The following MISP variants were observed in gnomAD, a reference collection of about 807,000 sequenced individuals.
MISP encodes mitotic interactor and substrate of PLK1.
MISP carries 51 observed loss-of-function variants against 49.3 expected under a neutral mutation model. That is an observed-to-expected ratio of 1.03 (90% CI 0.83 to 1.31). MISP has a LOEUF of 1.31. MISP is among the 50% of genes most tolerant of loss of function. The pLI, the probability that MISP is intolerant of heterozygous loss-of-function variation, is 0.00. For missense variants in MISP, 1,084 were observed against 935.1 expected (o/e 1.16, Z -2.08); for synonymous variants, 444 against 392.6 (o/e 1.13, Z -1.55).
Position 757,740 on chromosome 19 carries a change from C to T in MISP, c.794C>T (p.Pro265Leu). 1.2e-6 allele frequency: 2 copies of T among 1,613,850 alleles called. No individual in the cohort carries two copies. The highest frequency in any genetic ancestry group is 4.5e-5 in the East Asian group (2 of 44,872). Reference protein sequence around the residue: ...VREENKVRAVPTWASVQVVDD... With the variant: ...VREENKVRAVLTWASVQVVDD... Reference sequence around the variant, plus strand: ...GAAGAGAACAAGGTGCGTGCTGTGCCCACCTGGGCCAGTGTCCAAGTTGTG... The same window carrying T: ...GAAGAGAACAAGGTGCGTGCTGTGCTCACCTGGGCCAGTGTCCAAGTTGTG... Residue 265 changes from proline to leucine, a missense_variant, in exon 2 of 5, where the codon CCC (proline) becomes CTC (leucine). Physicochemically the swap from Pro to Leu is moderately conservative, Grantham distance 98 (BLOSUM62 -3). Coordinates refer to ENST00000215582, the MANE Select transcript of MISP (RefSeq NM_173481.4).
intron 4 of MISP, among the ~76,000 whole-genome samples, chr19:762,442 G>A (rs1213487115): frequency 6.6e-6 from 1 of 151,146 alleles, no homozygotes; most frequent in African/African-American, 2.4e-5. Flanking sequence ...TAGCAGAGAT[G>A]GGGTTTCACC....
In MISP at chr19:757,513, G is replaced by C; in HGVS notation, c.567G>C (p.Glu189Asp). ...TGGAGGAGAACGTGGTTGACAGGGA[G>C]CAGATTGACTTCCTGGCAGCGAGAC... is the stretch of plus-strand genomic sequence containing the variant. ...TPLEENVVDR[E>D]QIDFLAARQQ... Residue 189 changes from glutamate to aspartate, a missense_variant, in exon 2 of 5, where the codon GAG becomes GAC. Transcript: ENST00000215582. The C allele has an allele frequency of 1.2e-6, 2 of 1,607,800 alleles. No individual in the cohort carries two copies. Among genetic ancestry groups the C allele is most frequent in the Non-Finnish European group, 8.5e-7 (1 of 1,177,682 alleles).
At position 763,732 on chromosome 19, in the gene MISP, T is replaced by C. The variant is rs562708701; in HGVS notation, c.*142T>C. ...AGCTCATCTGCCAACAATCCCACCA[T>C]GGGCACATTTGGGACTGTTGGGTTT... On this transcript the variant is annotated 3_prime_UTR_variant, in exon 5 of 5. Coordinates refer to ENST00000215582, the MANE Select transcript of MISP (RefSeq NM_173481.4). 48 of 627,700 alleles carry C rather than the reference T, an allele frequency of 7.6e-5. No individual in the cohort carries two copies. In the African/African-American group the frequency reaches 7.8e-4, roughly 10 times the overall value. The allele number at this position is 627,700 out of a possible 1,614,324, so 38.9% of individuals were successfully genotyped here. A position where few individuals can be genotyped will look rare whatever the true frequency, so the allele number is the denominator to read the frequency against.
At chr19:748,731 T>C (rs950123752), upstream of MISP, among the ~76,000 whole-genome samples, 2 of 152,192 alleles carry the variant, frequency 1.3e-5, no homozygotes, top group Admixed American at 6.5e-5. Context: ...GAGGTGTCTG[T>C]AGAGACCAGT....
rs568954801 is a variant in MISP at position 758,070 on chromosome 19, C to G, written c.1124C>G (p.Ala375Gly). ...CGGGAGGGCCTGCACGTGGGCCGGG[C>G]GTCCACACCCGACTGGGTCTCGGAG... ...HRREGLHVGR[A>G]STPDWVSEGP... is the part of the protein sequence containing the mutation. The change falls in exon 2 of 5, where the codon GCG becomes GGG. Residue 375 changes from alanine to glycine, a missense_variant. Transcript: ENST00000215582. 2 of 1,568,108 alleles carry G rather than the reference C, an allele frequency of 1.3e-6. No individual in the cohort carries two copies. Among genetic ancestry groups the G allele is most frequent in the South Asian group, 2.4e-5 (2 of 84,856 alleles).
chr19:754,991 A>AGAGGGCCTGGTTTGGGGTGGAAGAG (rs1316773564), intron 1 of MISP, among the ~76,000 whole-genome samples: 1 of 91,014 alleles, frequency 1.1e-5, no homozygotes, highest in African/African-American at 4.5e-5. Flanking sequence ...GGGTGGAGGA[A>AGAGGGCCTGGTTTGGGGTGGAAGAG]GAGGGCCTGG....
rs372490162 is a variant in MISP, at chr19:761,615, T to C, written c.1912-10T>C. ...AAAGGCCTGGGCTGACTTGTGTTCC[T>C]TTCCTGTAGTACGCTGGCATCAACC... On this transcript the variant is annotated splice_polypyrimidine_tract_variant and intron_variant, in intron 3 of 4. Coordinates refer to ENST00000215582, the MANE Select transcript of MISP (RefSeq NM_173481.4). The C allele has an allele frequency of 3.0e-5, 49 of 1,614,048 alleles. No individual in the cohort carries two copies. The African/African-American group carries it at 5.3e-4, about 18-fold the overall frequency.
At chr19:756,481 T>A (rs2033551041) in intron 1 of MISP, among the ~76,000 whole-genome samples, 1 of 152,138 alleles carries the variant, frequency 6.6e-6, no homozygotes, top group Non-Finnish European at 1.5e-5. Flanking sequence ...AATGGGCTAC[T>A]CTGACTGGCC....
intron 1 of MISP, among the ~76,000 whole-genome samples, chr19:754,092 C>T (rs2095891432): frequency 6.6e-6 from 1 of 151,578 alleles, no homozygotes; most frequent in South Asian, 2.1e-4. Flanking sequence ...CCGAGGCAGG[C>T]GGATCACCTG....
chr19:762,040 C>T (rs367713515), intron 4 of MISP, among the ~76,000 whole-genome samples: 229 of 151,698 alleles, frequency 1.5e-3, no homozygotes, highest in African/African-American at 4.8e-3. Context: ...CTCCGCCTCC[C>T]GGGTTCACGC....
Position 757,383 on chromosome 19 carries a change from T to C in MISP, c.437T>C (p.Val146Ala). The C allele has an allele frequency of 6.2e-7, 1 of 1,610,970 alleles. No individual in the cohort carries two copies. The highest frequency in any genetic ancestry group is 2.2e-5 in the East Asian group (1 of 44,728). Reference sequence around the variant, plus strand: ...GACCTGGAGCGGGAGCGCTGGGCCGTCATCCAGGGCCAGGCAGTCAGGAAG... The same window carrying C: ...GACCTGGAGCGGGAGCGCTGGGCCGCCATCCAGGGCCAGGCAGTCAGGAAG... The part of the protein sequence containing the change: ...LCDLERERWA[V>A]IQGQAVRKSS... Residue 146 changes from valine to alanine, a missense_variant, in exon 2 of 5, where the codon GTC (valine) becomes GCC (alanine). Transcript: ENST00000215582.
At chr19:760,240 A>C (rs1304005205) in intron 3 of MISP, among the ~76,000 whole-genome samples, 2 of 151,712 alleles carry the variant, frequency 1.3e-5, no homozygotes, top group African/African-American at 4.9e-5. Flanking sequence ...CTGCTTGGAG[A>C]GGCCATATAA....
intron 1 of MISP, 131 bp from the exon 2 acceptor site, chr19:756,759 G>C (rs2033556160): frequency 1.7e-6 from 1 of 591,396 alleles, no homozygotes. Flanking sequence ...TGGCTGGACT[G>C]TGTCACTTAC....
At position 757,371 on chromosome 19, in the gene MISP, A is replaced by G; in HGVS notation, c.425A>G (p.Glu142Gly). Residue 142 changes from glutamate to glycine, a missense_variant, in exon 2 of 5, where the codon GAG becomes GGG. Transcript: ENST00000215582. ...AGGAGGCTGTGTGACCTGGAGCGGG[A>G]GCGCTGGGCCGTCATCCAGGGCCAG... Reference protein sequence around the residue: ...DPRRLCDLERERWAVIQGQAV... With the variant: ...DPRRLCDLERGRWAVIQGQAV... The G allele has an allele frequency of 6.2e-7, 1 of 1,612,490 alleles. No individual in the cohort carries two copies. The highest frequency in any genetic ancestry group is 8.5e-7 in the Non-Finnish European group (1 of 1,179,478).
chr19:756,614 C>T (rs1043905302), intron 1 of MISP, among the ~76,000 whole-genome samples: 9 of 152,200 alleles, frequency 5.9e-5, no homozygotes, highest in Non-Finnish European at 7.3e-5. Flanking sequence ...CAATGGGCTG[C>T]TCTGAGTGGC....
intron 4 of MISP, among the ~76,000 whole-genome samples, chr19:761,904 G>C (rs1302084549): frequency 6.6e-6 from 1 of 152,168 alleles, no homozygotes; most frequent in Non-Finnish European, 1.5e-5. Flanking sequence ...AGGTTTGTGA[G>C]GTTAGACCCC....
chr19:758,352 A>G lies in MISP; in HGVS notation c.1406A>G (p.His469Arg). ...TSPKATMSPR[H>R]LSESSGKPLS... ...CCAAAGGCCACGATGTCCCCGAGGC[A>G]TCTCTCAGAATCCTCTGGAAAACCC... The change falls in exon 2 of 5, where the codon CAT becomes CGT. Residue 469 changes from histidine (H) to arginine (R), a missense_variant. His to Arg is a conservative substitution (Grantham distance 29). Transcript: ENST00000215582. 1 of 1,614,162 alleles carries G rather than the reference A, an allele frequency of 6.2e-7. No homozygotes were observed. Among genetic ancestry groups the G allele is most frequent in the Non-Finnish European group, 8.5e-7 (1 of 1,180,020 alleles).
At chr19:750,184 G>A (rs8107853), upstream of MISP, among the ~76,000 whole-genome samples, 3,361 of 130,070 alleles carry the variant, frequency 0.026, 163 homozygotes, top group African/African-American at 0.093. Context: ...GGCCTCGTGC[G>A]GTTCTTTTTT....
intron 3 of MISP, among the ~76,000 whole-genome samples, 173 bp from the exon 4 acceptor site, chr19:761,452 G>T (rs908469934): frequency 1.3e-5 from 2 of 152,118 alleles, no homozygotes; most frequent in African/African-American, 4.8e-5. Flanking sequence ...AACAGCAAGG[G>T]GGATGGCTGT....
Sources: gnomAD v4.1 joint callset for allele counts (sites outside exome capture counted in the v4.1 genomes callset) on GRCh38, gnomAD v4.1.1 for gene constraint, MANE v1.5 for transcripts, NCBI Gene and HGNC (gene_info 2026-07-23, HGNC 2026-07-21) for gene names.